The following PZP variants were observed in gnomAD, a reference collection of about 807,000 sequenced individuals.
PZP encodes the protein PZP alpha-2-macroglobulin like.
PZP carries 150 observed loss-of-function variants against 179.8 expected under a neutral mutation model. The ratio of observed to expected loss-of-function variants is 0.83; its 90% CI spans 0.73 to 0.96. The LOEUF (loss-of-function observed/expected upper bound fraction) is 0.96. Ranked by LOEUF, PZP falls within the 40% of genes least tolerant of loss-of-function variation. The pLI is 0.00. For missense variants in PZP, 1,689 were observed against 1,764.0 expected (o/e 0.96, Z 0.76); for synonymous variants, 624 against 652.3 (o/e 0.96, Z 0.66).
chr12:9,176,673 A>C (rs1452961856), intron 15 of PZP, among the ~76,000 whole-genome samples: 1 of 152,184 alleles, frequency 6.6e-6, no homozygotes, highest in Non-Finnish European at 1.5e-5. Context: ...CAGATGTAAG[A>C]TTGAGTCTTA....
At position 9,161,057 on chromosome 12, in the gene PZP, C is replaced by G. The variant is rs745863855; in HGVS notation, c.2848G>C (p.Ala950Pro). 1 of 1,601,072 alleles carries G rather than the reference C, an allele frequency of 6.2e-7. No homozygotes were observed. The highest frequency in any genetic ancestry group is 1.7e-5 in the Admixed American group (1 of 59,966). ...KLPSNVVKES[A>P]RASFSVLGDI... The stretch of plus-strand genomic sequence containing the variant: ...CCCAGAACTGAGAAAGAAGCTCTGG[C>G]AGATTCTTTGACCACATTTGATGGG... Residue 950 changes from alanine (A) to proline (P), a missense_variant, in exon 23 of 36, where the codon GCC becomes CCC. By Grantham distance (27) the Ala-to-Pro change is conservative. Around this residue, in one of 3 missense-constraint regions of PZP, gnomAD observed 746 missense variants for 749.2 expected, o/e 1.00. Coordinates refer to ENST00000261336, the MANE Select transcript of PZP (RefSeq NM_002864.3).
Position 9,168,946 on chromosome 12 carries a change from G to T in PZP, c.2030C>A (p.Ser677Ter). The change falls in exon 17 of 36, where the codon TCA becomes TAA. Residue 677 changes from serine (S) to a stop codon, truncating the protein, a stop_gained. Coordinates refer to ENST00000261336, the MANE Select transcript of PZP (RefSeq NM_002864.3). LOFTEE classifies it high-confidence loss of function. Reference protein sequence around the residue: ...KGMGLKVFTNSKIRKPKSCSV... With the variant: ...KGMGLKVFTN ...ACACGACTTTGGTTTTCGGATTTTT[G>T]AGTTAGTGAACACCTTCAATCCCAT... is the stretch of plus-strand genomic sequence containing the variant. 1 of 1,613,906 alleles carries T rather than the reference G, an allele frequency of 6.2e-7. No homozygotes were observed. Among genetic ancestry groups the T allele is most frequent in the Non-Finnish European group, 8.5e-7 (1 of 1,179,858 alleles).
chr12:9,144,485 C>T (rs1285130808), downstream of PZP, among the ~76,000 whole-genome samples: 1 of 152,130 alleles, frequency 6.6e-6, no homozygotes, highest in Non-Finnish European at 1.5e-5. Flanking sequence ...AGAGCCTCTA[C>T]CCACAACACC....
intron 7 of PZP, among the ~76,000 whole-genome samples, chr12:9,197,891 T>C (rs865850157): frequency 1.4e-4 from 18 of 124,704 alleles, no homozygotes; most frequent in African/African-American, 5.6e-4. Flanking sequence ...ATTAATAATA[T>C]ATAAATTATA....
Position 9,157,837 on chromosome 12 carries a change from C to T in PZP, c.3299G>A (p.Gly1100Asp), listed in dbSNP as rs1592451586. The change falls in exon 27 of 36, where the codon GGT (glycine) becomes GAT (aspartate). Residue 1100 changes from glycine to aspartate, a missense_variant. Coordinates refer to ENST00000261336, the MANE Select transcript of PZP (RefSeq NM_002864.3). Reference protein sequence around the residue: ...GSLLNNAIKGGVEDEATLSAY... With the variant: ...GSLLNNAIKGDVEDEATLSAY... The stretch of plus-strand genomic sequence containing the variant: ...GGAGAGGGTCGCTTCATCTTCTACA[C>T]CTCCCTGTGAATACAACATTGATTT... The T allele has an allele frequency of 4.3e-6, 7 of 1,613,076 alleles. No homozygotes were observed. Among genetic ancestry groups the T allele is most frequent in the Non-Finnish European group, 5.9e-6 (7 of 1,179,116 alleles).
In PZP at chr12:9,194,164, A is replaced by G. The variant is rs1357225839; in HGVS notation, c.1167T>C (p.Tyr389=). ...GCTCATTGGTGGTTGCATTGGAGTA[A>G]TAATTGGCGTCATTCACAGAGATGA... ...LFFISVNDAN[Y]YSNATTNEQG... Residue 389 remains tyrosine, a synonymous_variant, in exon 11 of 36, where the codon TAT becomes TAC. Transcript: ENST00000261336. 1.2e-6 allele frequency: 2 copies of G among 1,613,928 alleles called. No individual in the cohort carries two copies. The highest frequency in any genetic ancestry group is 1.7e-6 in the Non-Finnish European group (2 of 1,179,950).
chr12:9,179,281 AT>A (rs2120937029), intron 15 of PZP, among the ~76,000 whole-genome samples: 1 of 152,222 alleles, frequency 6.6e-6, no homozygotes, highest in African/African-American at 2.4e-5. Context: ...TTCACCTTTT[AT>A]TTTGCTGATC....
intron 13 of PZP, among the ~76,000 whole-genome samples, chr12:9,189,193 C>T (rs1366567998): frequency 3.9e-5 from 6 of 152,104 alleles, no homozygotes; most frequent in Non-Finnish European, 2.9e-5. Flanking sequence ...ATAGCCAAGG[C>T]AATCCTAAGC....
At chr12:9,184,773 G>T (rs1056619402) in intron 13 of PZP, among the ~76,000 whole-genome samples, 1 of 152,180 alleles carries the variant, frequency 6.6e-6, no homozygotes, top group Non-Finnish European at 1.5e-5. Flanking sequence ...GTTCCCCAGA[G>T]TTACAGCATG....
chr12:9,150,321 C>G (rs766531057), intron 34 of PZP, among the ~76,000 whole-genome samples: 121 of 152,234 alleles, frequency 7.9e-4, no homozygotes, highest in Middle Eastern at 6.8e-3. Context: ...CTCGCACCGT[C>G]ACCTGGGCTG....
At chr12:9,165,429 G>T in intron 18 of PZP, 62 bp from the exon 19 acceptor site, 2 of 1,571,200 alleles carry the variant, frequency 1.3e-6, no homozygotes, top group Non-Finnish European at 8.7e-7. Context: ...TCTCAAGTGA[G>T]AATTAATATG....
chr12:9,154,127 T>C (rs1940567556), intron 29 of PZP, among the ~76,000 whole-genome samples: 1 of 152,178 alleles, frequency 6.6e-6, no homozygotes, highest in Admixed American at 6.5e-5. Flanking sequence ...GGAATACATC[T>C]TAGAGGATTT....
intron 13 of PZP, among the ~76,000 whole-genome samples, chr12:9,190,014 A>G (rs1943365420): frequency 6.6e-6 from 1 of 152,196 alleles, no homozygotes. Flanking sequence ...AAGGTTGTGG[A>G]GAAAAGGGAA....
intron 26 of PZP, 79 bp from the exon 27 acceptor site, chr12:9,157,920 C>T: frequency 8.7e-7 from 1 of 1,146,938 alleles, no homozygotes; most frequent in East Asian, 2.5e-5. Flanking sequence ...TGGAAACGCT[C>T]CTCAGTATCT....
At chr12:9,202,711 T>A in intron 2 of PZP, 27 bp from the exon 3 acceptor site, 1 of 1,603,744 alleles carries the variant, frequency 6.2e-7, no homozygotes, top group Non-Finnish European at 8.5e-7. Context: ...TTTTTACTAC[T>A]GAGGAACTGT....
At chr12:9,184,174 G>A (rs746467644) in intron 13 of PZP, among the ~76,000 whole-genome samples, 4 of 152,130 alleles carry the variant, frequency 2.6e-5, no homozygotes, top group Admixed American at 6.5e-5. Context: ...TGCTGGCAGC[G>A]TGAGTGTCCT....
intron 29 of PZP, 31 bp from the exon 30 acceptor site, chr12:9,153,374 A>C: frequency 1.9e-6 from 3 of 1,577,928 alleles, no homozygotes; most frequent in Non-Finnish European, 2.6e-6. Context: ...ACCGCCCCAA[A>C]GAGTAAATTT....
chr12:9,154,522 A>C lies in PZP; in HGVS notation c.3774+94T>G, dbSNP rs555032003. 541 of 1,186,958 alleles carry C rather than the reference A, an allele frequency of 4.6e-4. 3 individuals are homozygous for C. In the South Asian group the frequency reaches 7.6e-3, roughly 17 times the overall value. 73.5% of individuals were successfully genotyped at this position (1,186,958 alleles called of 1,614,324 possible). ...TCCTAAATACTTCTTCAATGATTTA[A>C]TAATTGCCTTCTCTTTTCCATTAAC... On this transcript the variant is annotated intron_variant, in intron 29 of 35. Transcript: ENST00000261336.
chr12:9,143,452 GTA>G, the PZP span, among the ~76,000 whole-genome samples: 2 of 152,088 alleles, frequency 1.3e-5, no homozygotes, highest in African/African-American at 4.8e-5. Context: ...GCATTCATCT[GTA>G]GGGTCAAAAG....
Sources: allele counts gnomAD v4.1 joint callset (sites outside exome capture counted in the v4.1 genomes callset), GRCh38; gene constraint gnomAD v4.1.1; regional missense constraint gnomAD v4.1.1; transcripts MANE v1.5; gene names NCBI Gene and HGNC (gene_info 2026-07-23, HGNC 2026-07-21).